The following AP4M1 variants were observed in gnomAD, a reference collection of about 807,000 sequenced individuals.
AP4M1 encodes the protein AP-4 complex subunit mu-1.
In AP4M1, 58 loss-of-function variants were observed where a neutral mutation model predicts 62.4. The observed-to-expected ratio is 0.93, with a 90% CI of 0.75 to 1.16. AP4M1 has a LOEUF of 1.16. Ranked by LOEUF, AP4M1 falls within the 50% of genes most tolerant of loss-of-function variation. AP4M1 has a pLI of 0.00. For synonymous variants in AP4M1, 290 were observed against 239.7 expected, an observed-to-expected ratio of 1.21 and a Z score of -1.94; for missense variants, 626 against 585.4, an observed-to-expected ratio of 1.07 and a Z score of -0.72.
At chr7:100,103,807 C>T in intron 6 of AP4M1, 115 bp downstream of exon 6, 3 of 1,139,966 alleles carry the variant, frequency 2.6e-6, no homozygotes, top group Admixed American at 1.9e-5. Flanking sequence ...TTTGGGAGGC[C>T]GAGGTGGGCA....
At chr7:100,105,583 C>G (rs1489156951) in intron 11 of AP4M1, 44 bp downstream of exon 11, 1 of 1,547,118 alleles carries the variant, frequency 6.5e-7, no homozygotes, top group Non-Finnish European at 8.9e-7. Flanking sequence ...GGAACCCAAG[C>G]CAAGACCTGT....
In AP4M1 at chr7:100,101,698, T is replaced by A. The variant is rs1562903399; in HGVS notation, c.-17T>A. The stretch of plus-strand genomic sequence containing the variant: ...GCCCGACTTTCGCCGTCTTCTTGTC[T>A]ACTCTCCAGAACGGCCATGATTTCC... On this transcript the variant is annotated 5_prime_UTR_variant, in exon 1 of 15. Coordinates refer to ENST00000359593, the MANE Select transcript of AP4M1 (RefSeq NM_004722.4). The A allele has an allele frequency of 1.2e-6, 2 of 1,612,078 alleles. No homozygotes were observed. Among genetic ancestry groups the A allele is most frequent in the Admixed American group, 3.3e-5 (2 of 60,006 alleles).
chr7:100,102,463 G>A, intron 2 of AP4M1: 2 of 617,208 alleles, frequency 3.2e-6, no homozygotes, highest in Non-Finnish European at 2.9e-6. Flanking sequence ...CCAGCTCCCT[G>A]CGTGACTCCA....
rs1344590583 is a variant in AP4M1 at position 100,102,377 on chromosome 7, C to T, written c.148-298C>T. ...CCGCACTCCAGCCTGGGAGACAGAG[C>T]GAGACTCCCTCTCGGGGTAGGTGGG... is the stretch of plus-strand genomic sequence containing the variant. On this transcript the variant is annotated intron_variant, in intron 2 of 14. Transcript: ENST00000359593. 8 of 498,358 alleles carry T rather than the reference C, an allele frequency of 1.6e-5. No individual in the cohort carries two copies. In the African/African-American group the frequency reaches 1.6e-4, roughly 10 times the overall value. 30.9% of individuals were successfully genotyped at this position (498,358 alleles called of 1,614,324 possible). A position where few individuals can be genotyped will look rare whatever the true frequency, so the allele number is the denominator to read the frequency against.
Position 100,102,885 on chromosome 7 carries a change from T to C in AP4M1, c.276T>C (p.Asp92=). The C allele has an allele frequency of 6.2e-7, 1 of 1,614,062 alleles. No homozygotes were observed. The highest frequency in any genetic ancestry group is 8.5e-7 in the Non-Finnish European group (1 of 1,180,008). The change falls in exon 4 of 15, where the codon GAT becomes GAC. Residue 92 remains aspartate, a synonymous_variant. Coordinates refer to ENST00000359593, the MANE Select transcript of AP4M1 (RefSeq NM_004722.4). ...TCAGGTTGGCCACCCTTCTGGGCGA[T>C]TACTGTGGCTCCCTGGGCGAGGGGA... The part of the protein sequence containing the change: ...LLSRLATLLG[D]YCGSLGEGTI...
rs1796774401 is a variant in AP4M1, at chr7:100,108,279, G to A, written c.*1397G>A. On this transcript the variant is annotated 3_prime_UTR_variant, in exon 15 of 15. Transcript: ENST00000359593. ...TGGTTGCCCTGAGACTACTGACTGA[G>A]GGCACATGTGGCTGTGTGCAAGTGC... is the stretch of plus-strand genomic sequence containing the variant. 9.4e-6 allele frequency: 14 copies of A among 1,489,492 alleles called. No individual in the cohort carries two copies. The South Asian group carries it at 1.4e-4, about 15-fold the overall frequency. 92.3% of individuals were successfully genotyped at this position (1,489,492 alleles called of 1,614,324 possible).
chr7:100,108,203 C>G lies in AP4M1; in HGVS notation c.*1321C>G. 1 of 1,478,630 alleles carries G rather than the reference C, an allele frequency of 6.8e-7. No homozygotes were observed. Among genetic ancestry groups the G allele is most frequent in the Non-Finnish European group, 9.0e-7 (1 of 1,108,316 alleles). 91.6% of individuals were successfully genotyped at this position (1,478,630 alleles called of 1,614,324 possible). A position where few individuals can be genotyped will look rare whatever the true frequency, so the allele number is the denominator to read the frequency against. On this transcript the variant is annotated 3_prime_UTR_variant, in exon 15 of 15. Coordinates refer to ENST00000359593, the MANE Select transcript of AP4M1 (RefSeq NM_004722.4). ...TGAAGGGAGAGGCCTGGGCTCCCCT[C>G]GCTCTTCCTCAGTGGCTCTCACTAG...
chr7:100,105,306 A>C lies in AP4M1; in HGVS notation c.794A>C (p.Glu265Ala). 1.2e-6 allele frequency: 2 copies of C among 1,614,080 alleles called. No homozygotes were observed. Among genetic ancestry groups the C allele is most frequent in the Non-Finnish European group, 1.7e-6 (2 of 1,180,024 alleles). The part of the protein sequence containing the change: ...FHSSVNLDEF[E>A]SHRILRLQPP... ...AGCTCTGTGAATCTGGACGAATTTG[A>C]GTCTCATCGAATCCTCCGCTTGCAA... The change falls in exon 10 of 15, where the codon GAG (glutamate) becomes GCG (alanine). Residue 265 changes from glutamate to alanine, a missense_variant. Physicochemically the swap from Glu to Ala is moderately radical, Grantham distance 107 (BLOSUM62 -1). Coordinates refer to ENST00000359593, the MANE Select transcript of AP4M1 (RefSeq NM_004722.4).
chr7:100,106,542 T>C (rs551880588), intron 14 of AP4M1, 28 bp downstream of exon 14: 5 of 1,600,960 alleles, frequency 3.1e-6, no homozygotes, highest in Admixed American at 1.7e-5. Context: ...CCAGCCCCTC[T>C]CCTCCCACAT....
Position 100,108,596 on chromosome 7 carries a change from G to A in AP4M1, c.*1714G>A. On this transcript the variant is annotated 3_prime_UTR_variant, in exon 15 of 15. Coordinates refer to ENST00000359593, the MANE Select transcript of AP4M1 (RefSeq NM_004722.4). ...GAGGGCTGGGGAAAAAAGCCAGGTA[G>A]AGGGAGGGCTGGTGACACTCTTGAG... is the stretch of plus-strand genomic sequence containing the variant. 6.5e-7 allele frequency: 1 copy of A among 1,541,950 alleles called. No homozygotes were observed. Among genetic ancestry groups the A allele is most frequent in the South Asian group, 1.2e-5 (1 of 83,768 alleles).
At chr7:100,102,424 A>T in intron 2 of AP4M1, 3 of 431,802 alleles carry the variant, frequency 6.9e-6, no homozygotes, top group Non-Finnish European at 1.2e-5. Flanking sequence ...AAAAAAAAAG[A>T]GTCAATGGGC....
Position 100,103,600 on chromosome 7 carries a change from G to T in AP4M1, c.463-12G>T, listed in dbSNP as rs983481144. On this transcript the variant is annotated splice_polypyrimidine_tract_variant and intron_variant, in intron 5 of 14. Transcript: ENST00000359593. ...TCAGACCTGATGATTGATTGCTTTG[G>T]ATGCTTTACAGTTTGGGGCTGAGAC... 6.2e-7 allele frequency: 1 copy of T among 1,614,110 alleles called. No homozygotes were observed. The highest frequency in any genetic ancestry group is 8.5e-7 in the Non-Finnish European group (1 of 1,180,012).
chr7:100,106,032 C>T (rs1033772039), intron 12 of AP4M1, 29 bp downstream of exon 12: 46 of 1,613,478 alleles, frequency 2.9e-5, no homozygotes, highest in African/African-American at 8.0e-5. Flanking sequence ...TGGCTGAGTT[C>T]AGCTCTATGG....
upstream of AP4M1, chr7:100,100,834 G>C (rs557295262): frequency 4.1e-3 from 4,085 of 1,004,702 alleles, 124 homozygotes; most frequent in African/African-American, 0.066. Flanking sequence ...CAATCCCGGC[G>C]CGCAGCGGCC....
chr7:100,104,532 A>G (rs1033762501), intron 7 of AP4M1, among the ~76,000 whole-genome samples: 1 of 150,436 alleles, frequency 6.6e-6, no homozygotes, highest in African/African-American at 2.5e-5. Context: ...TCTTAAAAAA[A>G]ATAAATAAGT....
At chr7:100,103,960 A>G in intron 6 of AP4M1, 132 bp from the exon 7 acceptor site, 1 of 798,814 alleles carries the variant, frequency 1.3e-6, no homozygotes, top group Non-Finnish European at 2.1e-6. Flanking sequence ...GAGGTGGGAG[A>G]TGATCCCTTC....
In AP4M1 at chr7:100,108,109, C is replaced by T. The variant is rs1010499374; in HGVS notation, c.*1227C>T. The T allele has an allele frequency of 2.5e-6, 4 of 1,603,432 alleles. No homozygotes were observed. Among genetic ancestry groups the T allele is most frequent in the Non-Finnish European group, 3.4e-6 (4 of 1,176,684 alleles). On this transcript the variant is annotated 3_prime_UTR_variant, in exon 15 of 15. Transcript: ENST00000359593. ...CAGGCTGTGGGGCCTGCGAGAGGGTCAGCGTGGGCCGGGGCTGCGGGGAGA... is the reference window on the plus strand; with the variant it reads ...CAGGCTGTGGGGCCTGCGAGAGGGTTAGCGTGGGCCGGGGCTGCGGGGAGA...
rs374978880 is a variant in AP4M1, at chr7:100,103,662, C to G, written c.513C>G (p.Ser171Arg). The change falls in exon 6 of 15, where the codon AGC becomes AGG. Residue 171 changes from serine (S) to arginine (R), a missense_variant. By Grantham distance (110) the Ser-to-Arg change is moderately radical. Transcript: ENST00000359593. ...AAGTGGCCCCCAGCAGTGCAGCCAG[C>G]CGCCCCGTCCTGTCCAGTCGCTCTG... ...QSKVAPSSAA[S>R]RPVLSSRSDQ... 4.1e-5 allele frequency: 66 copies of G among 1,613,058 alleles called. No individual in the cohort carries two copies. Among genetic ancestry groups the G allele is most frequent in the Non-Finnish European group, 5.4e-5 (64 of 1,180,010 alleles).
chr7:100,101,225 C>T (rs1294669832), upstream of AP4M1: 1 of 1,611,798 alleles, frequency 6.2e-7, no homozygotes, highest in Non-Finnish European at 8.5e-7. Context: ...CCGGGAGGCT[C>T]CCCGCGCAGG....
Sources: gnomAD v4.1 joint callset for allele counts (sites outside exome capture counted in the v4.1 genomes callset) on GRCh38, gnomAD v4.1.1 for gene constraint, MANE v1.5 for transcripts, NCBI Gene and HGNC (gene_info 2026-07-23, HGNC 2026-07-21) for gene names.